PRKCZ: variants seen among roughly 807,000 people sequenced by gnomAD.
PRKCZ encodes the protein protein kinase C zeta type.
A neutral mutation model predicts 79.5 loss-of-function variants in PRKCZ; 33 were observed. That is an observed-to-expected ratio of 0.41 (90% confidence interval 0.31 to 0.55). PRKCZ has a LOEUF of 0.55. PRKCZ is among the 20% of genes least tolerant of loss of function. The probability of loss-of-function intolerance (pLI) is 0.19; values close to 1 mark genes in which losing one functional copy is unlikely to be tolerated. For synonymous variants in PRKCZ, 342 were observed against 320.9 expected, an observed-to-expected ratio of 1.07 and a Z score of -0.70; for missense variants, 578 against 813.5, an observed-to-expected ratio of 0.71 and a Z score of 3.52.
At position 2,056,583 on chromosome 1, in the gene PRKCZ, G is replaced by A. The variant is rs185657356; in HGVS notation, c.283+10G>A. ...GGCCTCATCATTCATGGTTAGTGGC[G>A]GGGTCTGTGGTGGGCAGCTCTGGGG... On this transcript the variant is annotated intron_variant, in intron 3 of 17. Coordinates refer to ENST00000378567, the MANE Select transcript of PRKCZ (RefSeq NM_002744.6). The A allele has an allele frequency of 3.7e-6, 6 of 1,610,614 alleles. No homozygotes were observed. Among genetic ancestry groups the A allele is most frequent in the Middle Eastern group, 1.7e-4 (1 of 6,020 alleles).
At chr1:2,071,176 G>A (rs1340166397) in intron 4 of PRKCZ, 10 of 246,048 alleles carry the variant, frequency 4.1e-5, no homozygotes, top group African/African-American at 2.1e-4. Context: ...GGGGCTCCCC[G>A]TGCCCCGTGC....
chr1:2,102,866 C>G (rs1057362279), intron 4 of PRKCZ, among the ~76,000 whole-genome samples: 1 of 151,936 alleles, frequency 6.6e-6, no homozygotes, highest in African/African-American at 2.4e-5. Context: ...TTTTTATATT[C>G]TGGCCCCTCC....
At chr1:2,053,763 T>G (rs1308803969) in intron 1 of PRKCZ, among the ~76,000 whole-genome samples, 1 of 152,162 alleles carries the variant, frequency 6.6e-6, no homozygotes, top group Non-Finnish European at 1.5e-5. Context: ...GTGGTCAGAC[T>G]TTTGGACTCC....
In PRKCZ at chr1:2,172,951, C is replaced by T. The variant is rs112301225; in HGVS notation, c.1285+563C>T. Among the ~76,000 whole-genome samples, 23 of 150,842 alleles carry T rather than the reference C, an allele frequency of 1.5e-4. No individual in the cohort carries two copies. The highest frequency in any genetic ancestry group is 2.1e-4 in the South Asian group (1 of 4,746). ...TGTGTGAAACGGGGATGTGGGCACGCGTGTGCAGCCGTGTGTGCGTGTGTG... is the reference window on the plus strand; with the variant it reads ...TGTGTGAAACGGGGATGTGGGCACGTGTGTGCAGCCGTGTGTGCGTGTGTG... On this transcript the variant is annotated intron_variant, in intron 13 of 17. Transcript: ENST00000378567. The surrounding 1 kb of genome is among the most constrained non-coding windows in gnomAD (Gnocchi z 7.8).
chr1:2,086,563 G>T (rs1301412693), intron 4 of PRKCZ, among the ~76,000 whole-genome samples: 1 of 152,152 alleles, frequency 6.6e-6, no homozygotes, highest in South Asian at 2.1e-4. Context: ...GCATCCCCTC[G>T]GCCCTTTCTG....
At chr1:2,184,351 GTGGCCAGCA>G in intron 16 of PRKCZ, 1 of 474,940 alleles carries the variant, frequency 2.1e-6, no homozygotes, top group South Asian at 2.2e-5. Flanking sequence ...CGTCCCACAT[GTGGCCAGCA>G]TGGCCGACAC....
intron 4 of PRKCZ, among the ~76,000 whole-genome samples, chr1:2,132,014 T>G (rs1675069552): frequency 6.6e-6 from 1 of 152,178 alleles, no homozygotes; most frequent in South Asian, 2.1e-4. Context: ...GGTTTCACCG[T>G]GTTAGCCAGG....
chr1:2,174,039 G>A lies in PRKCZ; in HGVS notation c.1405+23G>A, dbSNP rs1416555472. 1.5e-5 allele frequency: 24 copies of A among 1,575,712 alleles called. No individual in the cohort carries two copies. Among genetic ancestry groups the A allele is most frequent in the African/African-American group, 9.5e-5 (7 of 73,914 alleles). On this transcript the variant is annotated intron_variant, in intron 14 of 17. Coordinates refer to ENST00000378567, the MANE Select transcript of PRKCZ (RefSeq NM_002744.6). The surrounding 1 kb of genome is among the most constrained non-coding windows in gnomAD (Gnocchi z 6.2). ...AAGGTGCGTGCCCCGCTGTGCGTTC[G>A]TACCCCTCACCTGCACGACTGTCTT...
intron 4 of PRKCZ, among the ~76,000 whole-genome samples, chr1:2,101,551 G>A (rs1409338039): frequency 6.6e-6 from 1 of 152,122 alleles, no homozygotes; most frequent in Non-Finnish European, 1.5e-5. Flanking sequence ...ACTCAGCTGC[G>A]GAGACCATCA....
At chr1:2,144,745 CCCCT>C in intron 6 of PRKCZ, 4 of 695,792 alleles carry the variant, frequency 5.7e-6, no homozygotes, top group Non-Finnish European at 7.2e-6. Flanking sequence ...CCTGGCATCC[CCCCT>C]GGGAAGCCAT....
intron 4 of PRKCZ, among the ~76,000 whole-genome samples, chr1:2,090,253 C>G (rs1003878086): frequency 1.3e-5 from 2 of 152,216 alleles, no homozygotes; most frequent in Non-Finnish European, 2.9e-5. Context: ...TGCAGAGGCC[C>G]TGGGGGCTGC....
chr1:2,163,122 G>A (rs1467701422), intron 10 of PRKCZ, among the ~76,000 whole-genome samples: 2 of 152,226 alleles, frequency 1.3e-5, no homozygotes, highest in Non-Finnish European at 2.9e-5. Context: ...CTGGGGTGAC[G>A]TTGACACTGG....
chr1:2,113,146 C>T (rs1302493483), intron 4 of PRKCZ, among the ~76,000 whole-genome samples: 1 of 152,266 alleles, frequency 6.6e-6, no homozygotes, highest in Non-Finnish European at 1.5e-5. Flanking sequence ...CCTGCAGCAC[C>T]AGTCAGGGCC....
chr1:2,065,746 A>G (rs1661077292), intron 4 of PRKCZ, among the ~76,000 whole-genome samples: 1 of 151,826 alleles, frequency 6.6e-6, no homozygotes, highest in South Asian at 2.1e-4. Context: ...ATTGTCAAAG[A>G]AAAGCTTTCA....
chr1:2,093,185 C>T (rs557069757), intron 4 of PRKCZ, among the ~76,000 whole-genome samples: 29 of 151,768 alleles, frequency 1.9e-4, no homozygotes, highest in African/African-American at 5.9e-4. Context: ...AGGGCCCCAC[C>T]GGCAGAGCTG....
chr1:2,150,923 A>C lies in PRKCZ; in HGVS notation c.821A>C (p.Asn274Thr). Residue 274 changes from asparagine to threonine, a missense_variant, in exon 9 of 18, where the codon AAT (asparagine) becomes ACT (threonine). By Grantham distance (65) the Asn-to-Thr change is moderately conservative (BLOSUM62 0). This residue lies in a region of PRKCZ where 243 missense variants were observed against 467.0 expected (regional missense o/e 0.52). Coordinates refer to ENST00000378567, the MANE Select transcript of PRKCZ (RefSeq NM_002744.6). ...AKVLLVRLKK[N>T]DQIYAMKVVK... is the part of the protein sequence containing the mutation. Reference sequence around the variant, plus strand: ...GTTCTCCTGGTGCGGTTGAAGAAGAATGACCAAATTTACGCCATGAAAGTG... The same window carrying C: ...GTTCTCCTGGTGCGGTTGAAGAAGACTGACCAAATTTACGCCATGAAAGTG... 1 of 1,614,162 alleles carries C rather than the reference A, an allele frequency of 6.2e-7. No individual in the cohort carries two copies. Among genetic ancestry groups the C allele is most frequent in the South Asian group, 1.1e-5 (1 of 91,082 alleles).
At chr1:2,057,359 T>C (rs1660265143) in intron 3 of PRKCZ, among the ~76,000 whole-genome samples, 1 of 152,212 alleles carries the variant, frequency 6.6e-6, no homozygotes, top group African/African-American at 2.4e-5. Flanking sequence ...GTTCCAGCGC[T>C]GTGGCCAGCC....
At chr1:2,087,951 G>A (rs1163609438) in intron 4 of PRKCZ, among the ~76,000 whole-genome samples, 1 of 152,240 alleles carries the variant, frequency 6.6e-6, no homozygotes, top group Non-Finnish European at 1.5e-5. Context: ...CGCTGGGACG[G>A]CGTGAGGGAC....
chr1:2,086,772 C>G (rs1206877549), intron 4 of PRKCZ, among the ~76,000 whole-genome samples: 1 of 152,250 alleles, frequency 6.6e-6, no homozygotes, highest in African/African-American at 2.4e-5. Flanking sequence ...TTCTCCACTT[C>G]TGAGTGGGGT....
Sources: gnomAD v4.1 joint callset for allele counts (sites outside exome capture counted in the v4.1 genomes callset) on GRCh38, gnomAD v4.1.1 for gene constraint, gnomAD v4.1.1 regional missense constraint, Gnocchi (gnomAD v3.1) non-coding constraint, MANE v1.5 for transcripts, NCBI Gene and HGNC (gene_info 2026-07-23, HGNC 2026-07-21) for gene names.